The following ARID4A variants were observed in gnomAD, a reference collection of about 807,000 sequenced individuals.
The protein encoded by ARID4A is AT-rich interaction domain 4A.
ARID4A carries 39 observed loss-of-function variants against 148.6 expected under a neutral mutation model. The ratio of observed to expected loss-of-function variants is 0.26; its 90% CI spans 0.20 to 0.34. The LOEUF is 0.34. ARID4A is among the 10% of genes least tolerant of loss of function. The pLI is 1.00. For synonymous variants in ARID4A, 475 were observed against 481.2 expected, an observed-to-expected ratio of 0.99 and a Z score of 0.17; for missense variants, 1,265 against 1,449.1, an observed-to-expected ratio of 0.87 and a Z score of 2.06.
chr14:58,329,687 T>G, intron 10 of ARID4A, 83 bp downstream of exon 10: 1 of 1,200,804 alleles, frequency 8.3e-7, no homozygotes. Context: ...TGATACTCTC[T>G]GGTACCACCA....
At position 58,360,820 on chromosome 14, in the gene ARID4A, T is replaced by G. The variant is rs543599496; in HGVS notation, c.1939-81T>G. The stretch of plus-strand genomic sequence containing the variant: ...ATAAAATATCAAACCTTTTTTGAGA[T>G]GTAGTTTTCTTTGGATAAGTAGAAT... On this transcript the variant is annotated intron_variant, in intron 18 of 23. Transcript: ENST00000355431. 5.0e-6 allele frequency: 7 copies of G among 1,402,082 alleles called. No individual in the cohort carries two copies. The South Asian group carries it at 9.1e-5, about 18-fold the overall frequency. The allele number at this position is 1,402,082 out of a possible 1,614,324, so 86.9% of individuals were successfully genotyped here. A position where few individuals can be genotyped will look rare whatever the true frequency, so the allele number is the denominator to read the frequency against.
At chr14:58,349,739 CAG>C (rs1380859243) in intron 15 of ARID4A, among the ~76,000 whole-genome samples, 1 of 151,802 alleles carries the variant, frequency 6.6e-6, no homozygotes, top group African/African-American at 2.4e-5. Flanking sequence ...TAAATAAAAA[CAG>C]TATTTCTGGG....
chr14:58,368,822 C>T (rs1306978140), intron 23 of ARID4A, among the ~76,000 whole-genome samples: 2 of 152,060 alleles, frequency 1.3e-5, no homozygotes. Context: ...TAATTTTGTG[C>T]ATGAAACAAA....
At chr14:58,302,223 G>A (rs4520768) in intron 3 of ARID4A, among the ~76,000 whole-genome samples, 106,138 of 151,170 alleles carry the variant, frequency 0.7, 37,634 homozygotes, top group Middle Eastern at 0.87. Context: ...ACCCGGCGCG[G>A]TGACTCACGC....
At chr14:58,317,379 G>C (rs1256522193) in intron 5 of ARID4A, among the ~76,000 whole-genome samples, 1 of 147,648 alleles carries the variant, frequency 6.8e-6, no homozygotes, top group Non-Finnish European at 1.5e-5. Flanking sequence ...CCGCCTCCTG[G>C]GTTCACGCCA....
rs2034447736 is a variant in ARID4A at position 58,347,847 on chromosome 14, A to G, written c.1373A>G (p.Glu458Gly). The change falls in exon 15 of 24, where the codon GAA (glutamate) becomes GGA (glycine). Residue 458 changes from glutamate to glycine, a missense_variant. Physicochemically the swap from Glu to Gly is moderately conservative, Grantham distance 98. This residue lies in a region of ARID4A where 205 missense variants were observed against 196.9 expected (regional missense o/e 1.04). Coordinates refer to ENST00000355431, the MANE Select transcript of ARID4A (RefSeq NM_002892.4). Reference sequence around the variant, plus strand: ...AATATCGATTCAAACAGTGAAAGTGAAAGAGAAGAGATAGAATTAAAATCT... The same window carrying G: ...AATATCGATTCAAACAGTGAAAGTGGAAGAGAAGAGATAGAATTAAAATCT... Reference protein sequence around the residue: ...EENIDSNSESEREEIELKSPR... With the variant: ...EENIDSNSESGREEIELKSPR... The G allele has an allele frequency of 6.2e-7, 1 of 1,612,740 alleles. No individual in the cohort carries two copies. The highest frequency in any genetic ancestry group is 1.3e-5 in the African/African-American group (1 of 75,012).
intron 19 of ARID4A, 177 bp downstream of exon 19, chr14:58,361,219 G>A: frequency 1.5e-6 from 1 of 648,444 alleles, no homozygotes; most frequent in Non-Finnish European, 1.9e-6. Context: ...AAATGCTTGG[G>A]ACTAGAAGTG....
chr14:58,330,113 G>C lies in ARID4A; in HGVS notation c.850G>C (p.Ala284Pro). 1 of 1,613,348 alleles carries C rather than the reference G, an allele frequency of 6.2e-7. No homozygotes were observed. The highest frequency in any genetic ancestry group is 8.5e-7 in the Non-Finnish European group (1 of 1,179,794). Residue 284 changes from alanine (A) to proline (P), a missense_variant, in exon 11 of 24, where the codon GCT (alanine) becomes CCT (proline). By Grantham distance (27) the Ala-to-Pro change is conservative. Transcript: ENST00000355431. ...SSSSDDEDGPAEENDEEKEKE... is the reference protein window; with the variant it reads ...SSSSDDEDGPPEENDEEKEKE... ...CAGTAGTGATGATGAAGATGGCCCA[G>C]CTGAAGAAAATGATGAAGAGAAGGA...
intron 17 of ARID4A, among the ~76,000 whole-genome samples, chr14:58,357,299 T>C (rs1044329919): frequency 1.3e-5 from 2 of 152,186 alleles, no homozygotes; most frequent in Non-Finnish European, 2.9e-5. Flanking sequence ...TATTTTCAAT[T>C]TGTGATGAGT....
chr14:58,352,096 A>C (rs1163733660), intron 16 of ARID4A, among the ~76,000 whole-genome samples: 4 of 152,230 alleles, frequency 2.6e-5, no homozygotes, highest in Non-Finnish European at 5.9e-5. Flanking sequence ...TTGTAATACC[A>C]GCTCTCTTCC....
rs1295164766 is a variant in ARID4A, at chr14:58,366,019, T to C, written c.3317-5T>C. On this transcript the variant is annotated splice_polypyrimidine_tract_variant and splice_region_variant and intron_variant, in intron 21 of 23. Transcript: ENST00000355431. ...ATCTGAGTCAATCTTTTTTATTATT[T>C]ATAGGACAAAGCAGTGATAGTGAAG... 2.5e-6 allele frequency: 4 copies of C among 1,597,302 alleles called. No individual in the cohort carries two copies. Among genetic ancestry groups the C allele is most frequent in the Non-Finnish European group, 3.4e-6 (4 of 1,170,098 alleles).
At chr14:58,357,370 T>A (rs2034923837) in intron 17 of ARID4A, among the ~76,000 whole-genome samples, 2 of 152,208 alleles carry the variant, frequency 1.3e-5, no homozygotes, top group African/African-American at 2.4e-5. Context: ...CATGGTACCA[T>A]GTCAACTGAA....
At chr14:58,353,481 A>G in intron 16 of ARID4A, 177 bp from the exon 17 acceptor site, 1 of 579,016 alleles carries the variant, frequency 1.7e-6, no homozygotes, top group Non-Finnish European at 3.0e-6. Flanking sequence ...TACATAATAA[A>G]TTCCTTAGTA....
At chr14:58,355,313 C>T (rs554156374) in intron 17 of ARID4A, among the ~76,000 whole-genome samples, 1 of 152,174 alleles carries the variant, frequency 6.6e-6, no homozygotes, top group East Asian at 1.9e-4. Context: ...AGTTCCCTCT[C>T]ATCTGCTGGA....
rs71107938 is a variant in ARID4A at position 58,365,467 on chromosome 14, C to CTTTTTT, written c.3212-34_3212-29dup. ...TAGTCTGTTGAATAATATACTTGCT[C>CTTTTTT]TTTTTTTTTTTTTTTTTTTTTTCAA... On this transcript the variant is annotated intron_variant, in intron 20 of 23. Transcript: ENST00000355431. 3.2e-4 allele frequency: 113 copies of CTTTTTT among 351,534 alleles called. 1 individual carries two copies. The highest frequency in any genetic ancestry group is 1.2e-3 in the South Asian group (32 of 25,788). The allele number at this position is 351,534 out of a possible 1,614,324, so 21.8% of individuals were successfully genotyped here.
intron 8 of ARID4A, among the ~76,000 whole-genome samples, chr14:58,326,648 A>C (rs2033229857): frequency 6.6e-6 from 1 of 152,188 alleles, no homozygotes; most frequent in Admixed American, 6.5e-5. Context: ...TTTGAGCTAC[A>C]TGTTTAGGAA....
chr14:58,319,839 A>G (rs923789166), intron 7 of ARID4A, among the ~76,000 whole-genome samples: 2 of 151,078 alleles, frequency 1.3e-5, no homozygotes, highest in Admixed American at 6.6e-5. Context: ...GAGCCACTGC[A>G]CCTGGCCTAA....
In ARID4A at chr14:58,359,236, T is replaced by A; in HGVS notation, c.1938+20T>A. On this transcript the variant is annotated intron_variant, in intron 18 of 23. Coordinates refer to ENST00000355431, the MANE Select transcript of ARID4A (RefSeq NM_002892.4). ...GCTAAAGTATGTTTGTAGATTTATGTCCTTTATAATATGTATAGGAATTAT... is the reference window on the plus strand; with the variant it reads ...GCTAAAGTATGTTTGTAGATTTATGACCTTTATAATATGTATAGGAATTAT... 1 of 1,562,404 alleles carries A rather than the reference T, an allele frequency of 6.4e-7. No individual in the cohort carries two copies. The highest frequency in any genetic ancestry group is 8.6e-7 in the Non-Finnish European group (1 of 1,156,538).
At chr14:58,330,247 T>A in intron 11 of ARID4A, 78 bp downstream of exon 11, 2 of 1,513,438 alleles carry the variant, frequency 1.3e-6, no homozygotes, top group Non-Finnish European at 1.8e-6. Flanking sequence ...TATTTTTCCC[T>A]CTGTTTAGAT....
Sources: allele counts gnomAD v4.1 joint callset (sites outside exome capture counted in the v4.1 genomes callset), GRCh38; gene constraint gnomAD v4.1.1; regional missense constraint gnomAD v4.1.1; transcripts MANE v1.5; gene names NCBI Gene and HGNC (gene_info 2026-07-23, HGNC 2026-07-21).